FAM222A: variants seen among roughly 807,000 people sequenced by gnomAD.
The protein encoded by FAM222A is family with sequence similarity 222 member A.
In FAM222A, 7 loss-of-function variants were observed where a neutral mutation model predicts 25.8. That is an observed-to-expected ratio of 0.27 (90% confidence interval 0.15 to 0.51). FAM222A has a LOEUF of 0.51. FAM222A is among the 20% of genes least tolerant of loss of function. The probability of loss-of-function intolerance (pLI) is 0.97; values close to 1 mark genes in which losing one functional copy is unlikely to be tolerated. For missense variants in FAM222A, 573 were observed against 640.5 expected, an observed-to-expected ratio of 0.89 and a Z score of 1.14; for synonymous variants, 294 against 298.8, an observed-to-expected ratio of 0.98 and a Z score of 0.17.
rs1372033802 is a variant in FAM222A at position 109,713,978 on chromosome 12, G to A, written c.-966G>A. ...GCCTGAGACCAGGCGAGGCGCCGGC[G>A]CGCGCCAGACGGCGCGAGGCTGCGG... On this transcript the variant is annotated 5_prime_UTR_variant, in exon 1 of 3. Coordinates refer to ENST00000538780, the MANE Select transcript of FAM222A (RefSeq NM_032829.3). 4.1e-5 allele frequency among the ~76,000 whole-genome samples: 6 copies of A among 146,322 alleles called. No individual in the cohort carries two copies. The highest frequency in any genetic ancestry group is 1.5e-4 in the African/African-American group (6 of 40,806).
chr12:109,759,262 T>G (rs2136375130), intron 2 of FAM222A, among the ~76,000 whole-genome samples: 1 of 152,272 alleles, frequency 6.6e-6, no homozygotes, highest in South Asian at 2.1e-4. Flanking sequence ...CACAGGATGG[T>G]GAGGGCTGAA....
intron 1 of FAM222A, among the ~76,000 whole-genome samples, chr12:109,718,573 T>G (rs1887690221): frequency 6.6e-6 from 1 of 152,230 alleles, no homozygotes; most frequent in African/African-American, 2.4e-5. Flanking sequence ...ATTGCTGCTC[T>G]CTCCCAGCAG....
At chr12:109,743,736 C>T (rs2136343972) in intron 1 of FAM222A, among the ~76,000 whole-genome samples, 1 of 152,110 alleles carries the variant, frequency 6.6e-6, no homozygotes, top group South Asian at 2.1e-4. Context: ...TTACAGGGGG[C>T]CACCACCGGC....
intron 2 of FAM222A, among the ~76,000 whole-genome samples, chr12:109,749,219 G>GAA (rs1888491360): frequency 6.6e-6 from 1 of 152,120 alleles, no homozygotes. Flanking sequence ...TGATTCTTCT[G>GAA]CCTCAGCCTC....
intron 2 of FAM222A, among the ~76,000 whole-genome samples, chr12:109,764,221 T>TAAA (rs1565847960): frequency 5.1e-4 from 5 of 9,888 alleles, no homozygotes; most frequent in African/African-American, 1.7e-3. Flanking sequence ...GACCCTGTCT[T>TAAA]CAAAAAAAAA....
chr12:109,765,580 A>C (rs139845625), intron 2 of FAM222A, among the ~76,000 whole-genome samples: 18 of 152,238 alleles, frequency 1.2e-4, no homozygotes, highest in African/African-American at 4.1e-4. Context: ...GTGGCCCAGG[A>C]CTTAACCAGG....
At chr12:109,734,208 CAA>C (rs11403160) in intron 1 of FAM222A, 20 of 72,414 alleles carry the variant, frequency 2.8e-4, no homozygotes, top group Non-Finnish European at 3.0e-4. Flanking sequence ...ACCCTGTCTC[CAA>C]AAAAAAAAAA....
intron 1 of FAM222A, chr12:109,720,247 G>A (rs1887723272): frequency 2.1e-6 from 2 of 943,550 alleles, no homozygotes; most frequent in South Asian, 9.8e-5. Flanking sequence ...TGGGAGGTCA[G>A]GGGGTGAGGC....
At chr12:109,736,818 C>T (rs886636238) in intron 1 of FAM222A, among the ~76,000 whole-genome samples, 2 of 152,154 alleles carry the variant, frequency 1.3e-5, no homozygotes, top group African/African-American at 4.8e-5. Context: ...GCTCTTGCGC[C>T]GGGAGCTGGC....
chr12:109,744,086 A>G lies in FAM222A; in HGVS notation c.-46-15A>G, dbSNP rs1056438873. The G allele has an allele frequency of 8.2e-6, 13 of 1,584,486 alleles. No homozygotes were observed. Among genetic ancestry groups the G allele is most frequent in the Admixed American group, 6.9e-5 (4 of 57,652 alleles). ...CAGCCCCCAAGTGACAGAGCACCCC[A>G]TCTTCCTCCTGCAGGGACCCAGTCG... On this transcript the variant is annotated splice_polypyrimidine_tract_variant and intron_variant, in intron 1 of 2. Coordinates refer to ENST00000538780, the MANE Select transcript of FAM222A (RefSeq NM_032829.3).
intron 2 of FAM222A, among the ~76,000 whole-genome samples, chr12:109,753,423 G>T (rs1888616247): frequency 6.6e-6 from 1 of 152,138 alleles, no homozygotes; most frequent in Admixed American, 6.5e-5. Context: ...CCCTGATGGG[G>T]GTGTGTATGT....
intron 1 of FAM222A, among the ~76,000 whole-genome samples, chr12:109,725,550 C>T (rs1275423189): frequency 6.6e-6 from 1 of 151,294 alleles, no homozygotes; most frequent in Non-Finnish European, 1.5e-5. Context: ...GCACCTTGCA[C>T]AGCCCTCTTG....
chr12:109,765,698 G>A (rs2136386898), intron 2 of FAM222A, among the ~76,000 whole-genome samples: 1 of 152,208 alleles, frequency 6.6e-6, no homozygotes, highest in East Asian at 1.9e-4. Context: ...AGGTGTCAGG[G>A]ACGATGCTTT....
intron 1 of FAM222A, among the ~76,000 whole-genome samples, chr12:109,726,891 A>G (rs1887853606): frequency 6.6e-6 from 1 of 152,096 alleles, no homozygotes; most frequent in Non-Finnish European, 1.5e-5. Flanking sequence ...GTTGTGCACT[A>G]GGCCCCATGT....
In FAM222A at chr12:109,769,309, G is replaced by A. The variant is rs971243805; in HGVS notation, c.*21G>A. 21 of 1,582,030 alleles carry A rather than the reference G, an allele frequency of 1.3e-5. No homozygotes were observed. The highest frequency in any genetic ancestry group is 1.7e-4 in the Middle Eastern group (1 of 6,016). On this transcript the variant is annotated 3_prime_UTR_variant, in exon 3 of 3. Coordinates refer to ENST00000538780, the MANE Select transcript of FAM222A (RefSeq NM_032829.3). ...GATAAGGCCTGCCCTGCGGACATAC[G>A]GACATGCGGACAGGGCGCAGAGCCG...
chr12:109,730,724 G>T (rs372137959), intron 1 of FAM222A, among the ~76,000 whole-genome samples: 2 of 152,192 alleles, frequency 1.3e-5, no homozygotes, highest in South Asian at 2.1e-4. Flanking sequence ...GCTCAGGCAG[G>T]GTTGGTGACT....
chr12:109,720,469 C>T (rs1203975592), intron 1 of FAM222A, among the ~76,000 whole-genome samples: 1 of 152,216 alleles, frequency 6.6e-6, no homozygotes. Context: ...GTGGCAGGGC[C>T]TCCTGGCATG....
intron 1 of FAM222A, among the ~76,000 whole-genome samples, chr12:109,716,597 C>T (rs1258401526): frequency 3.3e-5 from 5 of 152,140 alleles, no homozygotes; most frequent in Admixed American, 6.5e-5. Flanking sequence ...GGGGGAGAGC[C>T]GGGAGAGGTG....
chr12:109,738,257 G>A (rs545854026), intron 1 of FAM222A, among the ~76,000 whole-genome samples: 1 of 152,298 alleles, frequency 6.6e-6, no homozygotes, highest in East Asian at 1.9e-4. Context: ...AGAGAGGTCT[G>A]GACTTTCTGA....
Sources: allele counts gnomAD v4.1 joint callset (sites outside exome capture counted in the v4.1 genomes callset), GRCh38; gene constraint gnomAD v4.1.1; transcripts MANE v1.5; gene names NCBI Gene and HGNC (gene_info 2026-07-23, HGNC 2026-07-21).